UBR1: variants seen among roughly 807,000 people sequenced by gnomAD.
The protein encoded by UBR1 is ubiquitin protein ligase E3 component n-recognin 1.
A neutral mutation model predicts 242.1 loss-of-function variants in UBR1; 102 were observed. That is an observed-to-expected ratio of 0.42 (90% CI 0.36 to 0.50). The LOEUF (loss-of-function observed/expected upper bound fraction) is 0.50, where lower values mean the gene tolerates loss of function less well. UBR1 is among the 20% of genes least tolerant of loss of function. UBR1 has a pLI of 0.01. For missense variants in UBR1, 1,772 were observed against 2,101.8 expected (o/e 0.84, Z 3.07); for synonymous variants, 675 against 684.8 (o/e 0.99, Z 0.22).
chr15:43,038,481 C>G (rs2033367425), intron 15 of UBR1, among the ~76,000 whole-genome samples: 1 of 152,192 alleles, frequency 6.6e-6, no homozygotes, highest in Admixed American at 6.5e-5. Flanking sequence ...GTAATCCTAG[C>G]TACTTGGGAG....
chr15:42,998,094 C>T, intron 33 of UBR1, 74 bp downstream of exon 33: 2 of 1,302,718 alleles, frequency 1.5e-6, no homozygotes, highest in Non-Finnish European at 2.1e-6. Flanking sequence ...ATATTTTAGC[C>T]CAATAATTAT....
In UBR1 at chr15:43,063,036, G is replaced by T. The variant is rs150651154; in HGVS notation, c.799-2922C>A. 4.9e-4 allele frequency among the ~76,000 whole-genome samples: 75 copies of T among 152,258 alleles called. 1 individual carries two copies. In the East Asian group the frequency reaches 0.013, roughly 27 times the overall value. ...ACTAACTGCAACACAGTTTCTTCTAGCCAAGGAGTACATTTTTTACTTCAA... is the reference window on the plus strand; with the variant it reads ...ACTAACTGCAACACAGTTTCTTCTATCCAAGGAGTACATTTTTTACTTCAA... On this transcript the variant is annotated intron_variant, in intron 6 of 46. Coordinates refer to ENST00000290650, the MANE Select transcript of UBR1 (RefSeq NM_174916.3).
Position 42,960,670 on chromosome 15 carries a change from A to C in UBR1, c.4732T>G (p.Leu1578Val), listed in dbSNP as rs2032000170. The C allele has an allele frequency of 6.2e-7, 1 of 1,613,944 alleles. No homozygotes were observed. The highest frequency in any genetic ancestry group is 1.1e-5 in the South Asian group (1 of 91,086). ...WCADPALLNC[L>V]KQKNTVVRYP... The stretch of plus-strand genomic sequence containing the variant: ...CTGACCACGGTGTTTTTTTGCTTCA[A>C]ACAGTTTAGTAAGGCAGGATCTGCA... The change falls in exon 43 of 47, where the codon TTG becomes GTG. Residue 1578 changes from leucine (L) to valine (V), a missense_variant. Physicochemically the swap from Leu to Val is conservative, Grantham distance 32 (BLOSUM62 1). Coordinates refer to ENST00000290650, the MANE Select transcript of UBR1 (RefSeq NM_174916.3).
intron 4 of UBR1, among the ~76,000 whole-genome samples, chr15:43,074,717 G>C (rs541285988): frequency 1.3e-5 from 2 of 152,106 alleles, no homozygotes; most frequent in Non-Finnish European, 2.9e-5. Context: ...CATAGCGCCC[G>C]ACCTGTGTAC....
intron 30 of UBR1, among the ~76,000 whole-genome samples, chr15:43,004,939 T>A (rs1200103542): frequency 6.7e-6 from 1 of 149,138 alleles, no homozygotes; most frequent in South Asian, 2.1e-4. Context: ...GTGAGGAGTG[T>A]CTCTGCCCGG....
At chr15:42,952,189 A>G (rs2031845178) in intron 45 of UBR1, 89 bp downstream of exon 45, 1 of 1,505,618 alleles carries the variant, frequency 6.6e-7, no homozygotes, top group Non-Finnish European at 9.2e-7. Flanking sequence ...ATTATTTGCT[A>G]TCAACACACT....
chr15:43,076,713 A>G (rs1249525518), intron 3 of UBR1, among the ~76,000 whole-genome samples: 6 of 137,706 alleles, frequency 4.4e-5, no homozygotes, highest in Non-Finnish European at 7.8e-5. Flanking sequence ...TCCGGCAGCC[A>G]CCCCGTCTGG....
intron 41 of UBR1, among the ~76,000 whole-genome samples, chr15:42,964,321 T>C (rs1025487070): frequency 6.6e-6 from 1 of 151,846 alleles, no homozygotes; most frequent in African/African-American, 2.4e-5. Context: ...AATACAAAAT[T>C]AGCCAGGCGT....
chr15:43,037,520 G>T (rs1304128545), intron 17 of UBR1, among the ~76,000 whole-genome samples: 3 of 152,102 alleles, frequency 2.0e-5, no homozygotes, highest in African/African-American at 7.2e-5. Context: ...TAATGGGGAG[G>T]ACTCTGGTGG....
intron 25 of UBR1, among the ~76,000 whole-genome samples, chr15:43,024,262 G>A (rs975149987): frequency 1.3e-5 from 2 of 152,158 alleles, no homozygotes; most frequent in African/African-American, 4.8e-5. Context: ...CAAGGAAAAA[G>A]GAACATTTAG....
Position 42,952,218 on chromosome 15 carries a change from C to T in UBR1, c.5006+60G>A, listed in dbSNP as rs1432018599. ...ACACACTGTCCCACCATAGTGACCC[C>T]CAGATTGGATCCAGATTCCTTAAGT... On this transcript the variant is annotated intron_variant, in intron 45 of 46. Transcript: ENST00000290650. 23 of 1,606,904 alleles carry T rather than the reference C, an allele frequency of 1.4e-5. No homozygotes were observed. In the African/African-American group the frequency reaches 2.5e-4, roughly 18 times the overall value.
chr15:42,963,909 A>G, intron 42 of UBR1, 26 bp downstream of exon 42: 1 of 1,523,252 alleles, frequency 6.6e-7, no homozygotes, highest in Non-Finnish European at 9.1e-7. Flanking sequence ...TAATAACCCA[A>G]CAACAATATT....
At chr15:43,060,000 T>C (rs2033663447) in intron 7 of UBR1, 52 bp downstream of exon 7, 7 of 1,597,320 alleles carry the variant, frequency 4.4e-6, no homozygotes, top group Non-Finnish European at 6.0e-6. Context: ...TGGGCTCTTG[T>C]AATGTACATT....
chr15:43,001,388 C>T (rs983490935), intron 32 of UBR1, among the ~76,000 whole-genome samples: 2 of 152,218 alleles, frequency 1.3e-5, no homozygotes, highest in African/African-American at 4.8e-5. Flanking sequence ...ACCTCGTGAT[C>T]CGCCCACCTC....
intron 1 of UBR1, among the ~76,000 whole-genome samples, chr15:43,098,992 A>G (rs1356156750): frequency 1.3e-5 from 2 of 152,182 alleles, no homozygotes; most frequent in Admixed American, 1.3e-4. Flanking sequence ...TTAAAATCAC[A>G]TATAACTCCT....
intron 3 of UBR1, among the ~76,000 whole-genome samples, chr15:43,076,120 G>A (rs1173803515): frequency 6.6e-6 from 1 of 150,442 alleles, no homozygotes; most frequent in African/African-American, 2.4e-5. Flanking sequence ...GATTGCAGGC[G>A]CGCGCCGCCA....
intron 27 of UBR1, among the ~76,000 whole-genome samples, chr15:43,017,393 A>T (rs531919410): frequency 3.3e-5 from 5 of 152,384 alleles, no homozygotes; most frequent in Non-Finnish European, 7.3e-5. Flanking sequence ...CACTGGTAGC[A>T]GAATCAGCAG....
chr15:43,051,937 T>C (rs970696510), intron 12 of UBR1, among the ~76,000 whole-genome samples: 1 of 152,190 alleles, frequency 6.6e-6, no homozygotes, highest in East Asian at 1.9e-4. Flanking sequence ...AAGAATAATA[T>C]TGTTCCTCAA....
In UBR1 at chr15:42,990,110, T is replaced by C; in HGVS notation, c.3768A>G (p.Pro1256=). 1 of 1,593,542 alleles carries C rather than the reference T, an allele frequency of 6.3e-7. No homozygotes were observed. The change falls in exon 34 of 47, where the codon CCA becomes CCG. Residue 1256 remains proline (P), a synonymous_variant. Transcript: ENST00000290650. ...TTCCTTGATTAAAGAAAATAGGAAT[T>C]GGGTTTTCTCCTTATAAATTAAAAG... ...YNIRHAKGEN[P]IPIFFNQGMG...
Sources: gnomAD v4.1 joint callset for allele counts (sites outside exome capture counted in the v4.1 genomes callset) on GRCh38, gnomAD v4.1.1 for gene constraint, MANE v1.5 for transcripts, NCBI Gene and HGNC (gene_info 2026-07-23, HGNC 2026-07-21) for gene names.